The following GALNT11 variants were observed in gnomAD, a reference collection of about 807,000 sequenced individuals.
The protein encoded by GALNT11 is UDP-GalNAc:polypeptide N-acetylgalactosaminyltransferase 11.
A neutral mutation model predicts 72.7 loss-of-function variants in GALNT11; 47 were observed. The ratio of observed to expected loss-of-function variants is 0.65; its 90% CI spans 0.51 to 0.82. The LOEUF (loss-of-function observed/expected upper bound fraction) is 0.82, where lower values mean the gene tolerates loss of function less well. GALNT11 is among the 40% of genes least tolerant of loss of function. GALNT11 has a pLI of 0.00. For synonymous variants in GALNT11, 270 were observed against 286.6 expected, an observed-to-expected ratio of 0.94 and a Z score of 0.58; for missense variants, 677 against 778.4, an observed-to-expected ratio of 0.87 and a Z score of 1.55.
At chr7:152,039,989 C>G (rs950170407) in intron 1 of GALNT11, among the ~76,000 whole-genome samples, 3 of 151,950 alleles carry the variant, frequency 2.0e-5, no homozygotes, top group Non-Finnish European at 4.4e-5. Flanking sequence ...ATCCATTTCC[C>G]CCTTTCTGTT....
intron 1 of GALNT11, among the ~76,000 whole-genome samples, chr7:152,031,313 A>G (rs944449926): frequency 9.2e-5 from 14 of 152,248 alleles, no homozygotes; most frequent in Admixed American, 2.0e-4. Flanking sequence ...CTCAGGCAGC[A>G]TAAGTCTGGA....
chr7:152,099,553 TTTTTTTG>T (rs2086658595), intron 2 of GALNT11, among the ~76,000 whole-genome samples: 1 of 131,616 alleles, frequency 7.6e-6, no homozygotes, highest in African/African-American at 2.9e-5. Context: ...TTTTTTTTTT[TTTTTTTG>T]TATTTTTAGT....
intron 5 of GALNT11, 80 bp from the exon 6 acceptor site, chr7:152,107,958 G>A (rs112966025): frequency 1.3e-5 from 20 of 1,500,630 alleles, no homozygotes; most frequent in South Asian, 1.1e-4. Flanking sequence ...CTGTGTCAGC[G>A]CGTCATCCCA....
chr7:152,070,585 T>C (rs1409085695), intron 1 of GALNT11, among the ~76,000 whole-genome samples: 1 of 152,190 alleles, frequency 6.6e-6, no homozygotes, highest in Non-Finnish European at 1.5e-5. Context: ...TCTTCTCACA[T>C]TGTATCAACT....
At chr7:152,034,416 G>A (rs1043324963) in intron 1 of GALNT11, among the ~76,000 whole-genome samples, 2 of 152,098 alleles carry the variant, frequency 1.3e-5, no homozygotes, top group East Asian at 3.9e-4. Flanking sequence ...TCCCTCAGGT[G>A]GCCATTTTTC....
chr7:152,082,091 G>C (rs2129021591), intron 1 of GALNT11, among the ~76,000 whole-genome samples: 1 of 152,214 alleles, frequency 6.6e-6, no homozygotes, highest in Non-Finnish European at 1.5e-5. Context: ...ACCATCTGTG[G>C]TTTAGATTAC....
intron 1 of GALNT11, among the ~76,000 whole-genome samples, chr7:152,050,675 C>T (rs1243545448): frequency 6.6e-6 from 1 of 152,080 alleles, no homozygotes; most frequent in East Asian, 1.9e-4. Flanking sequence ...GGCTCCAAGC[C>T]CAGCCCAGCA....
At chr7:152,115,661 C>T (rs1373655976) in intron 8 of GALNT11, among the ~76,000 whole-genome samples, 1 of 152,210 alleles carries the variant, frequency 6.6e-6, no homozygotes, top group Admixed American at 6.5e-5. Context: ...AAACAACTGA[C>T]AGTATTTGTT....
In GALNT11 at chr7:152,108,249, T is replaced by C. The variant is rs1192040995; in HGVS notation, c.924T>C (p.Ser308=). Reference sequence around the variant, plus strand: ...TCAAATGGGATCTTGTCCCCCTTTCTGAGCTAGGACGAGCGGAGGGAGCCA... The same window carrying C: ...TCAAATGGGATCTTGTCCCCCTTTCCGAGCTAGGACGAGCGGAGGGAGCCA... ...LHFKWDLVPL[S]ELGRAEGATA... Residue 308 remains serine (S), a synonymous_variant, in exon 6 of 12, where the codon TCT becomes TCC. Coordinates refer to ENST00000430044, the MANE Select transcript of GALNT11 (RefSeq NM_022087.4). 8 of 1,613,682 alleles carry C rather than the reference T, an allele frequency of 5.0e-6. No homozygotes were observed. The highest frequency in any genetic ancestry group is 1.7e-5 in the Admixed American group (1 of 60,002).
intron 10 of GALNT11, chr7:152,119,389 CAT>C (rs902722312): frequency 6.6e-6 from 1 of 151,710 alleles, no homozygotes; most frequent in African/African-American, 2.4e-5. Context: ...AGTCTAATCT[CAT>C]AAATTGTAGT....
chr7:152,117,414 G>T, intron 9 of GALNT11, 39 bp downstream of exon 9: 1 of 1,601,092 alleles, frequency 6.2e-7, no homozygotes, highest in Non-Finnish European at 8.6e-7. Context: ...TATGAAAAGC[G>T]TTTGATATGA....
intron 1 of GALNT11, among the ~76,000 whole-genome samples, chr7:152,069,997 C>CTTTTTTTTTT (rs879494057): frequency 7.0e-6 from 1 of 143,482 alleles, no homozygotes; most frequent in African/African-American, 2.8e-5. Context: ...TTTTCTTTTT[C>CTTTTTTTTTT]TTTTTCTTTT....
rs1346889049 is a variant in GALNT11, at chr7:152,094,500, C to G, written c.273C>G (p.His91Gln). The change falls in exon 2 of 12, where the codon CAC becomes CAG. Residue 91 changes from histidine to glutamine, a missense_variant. Transcript: ENST00000430044. The surrounding 1 kb of genome is among the most constrained non-coding windows in gnomAD (Gnocchi z 4.3). The stretch of plus-strand genomic sequence containing the variant: ...GTGTTGAAGATCCAGAAGAAGGCCA[C>G]TTGAAATTCTCTTCTGAATTAGGTA... ...DSRVEDPEEG[H>Q]LKFSSELGMI... 4 of 1,610,696 alleles carry G rather than the reference C, an allele frequency of 2.5e-6. No homozygotes were observed. In the African/African-American group the frequency reaches 5.3e-5, roughly 22 times the overall value.
intron 7 of GALNT11, among the ~76,000 whole-genome samples, chr7:152,111,191 C>T (rs986593371): frequency 2.4e-4 from 36 of 151,938 alleles, no homozygotes; most frequent in African/African-American, 8.2e-4. Flanking sequence ...GCTCCGCTGC[C>T]CAGGTTGGAG....
chr7:152,114,129 C>T (rs1034654891), intron 8 of GALNT11, among the ~76,000 whole-genome samples: 1 of 152,068 alleles, frequency 6.6e-6, no homozygotes, highest in African/African-American at 2.4e-5. Context: ...TGTTAGAGGG[C>T]ACATTTAGAA....
rs1018091773 is a variant in GALNT11, at chr7:152,090,849, T to G, written c.-38-3341T>G. On this transcript the variant is annotated intron_variant, in intron 1 of 11. Transcript: ENST00000430044. ...GCACTTATCACTTTCTAATGTATTA[T>G]TTAACACAGTGTTCCCAGCTGGATA... 2.0e-5 allele frequency among the ~76,000 whole-genome samples: 3 copies of G among 152,172 alleles called. No individual in the cohort carries two copies. In the East Asian group the frequency reaches 5.8e-4, roughly 29 times the overall value.
chr7:152,100,943 CA>C, intron 3 of GALNT11, 22 bp downstream of exon 3: 1 of 1,611,214 alleles, frequency 6.2e-7, no homozygotes, highest in South Asian at 1.1e-5. Flanking sequence ...ATCGGATTTG[CA>C]AATACATTTT....
intron 9 of GALNT11, 169 bp from the exon 10 acceptor site, chr7:152,118,509 T>G: frequency 1.8e-6 from 1 of 570,674 alleles, no homozygotes; most frequent in Non-Finnish European, 3.0e-6. Flanking sequence ...ATCTTGATGC[T>G]CCTGTGTTCT....
chr7:152,057,228 T>G lies in GALNT11; in HGVS notation c.-39+31344T>G, dbSNP rs539283689. Among the ~76,000 whole-genome samples the G allele has an allele frequency of 4.3e-4, 64 of 148,868 alleles. 1 individual carries two copies. Among genetic ancestry groups the G allele is most frequent in the African/African-American group, 1.6e-3 (63 of 38,496 alleles). Reference sequence around the variant, plus strand: ...GAAGAAAGTAATAGATTTTAAAAAATCTATTAGTAATTTTTTTTTTAACCT... The same window carrying G: ...GAAGAAAGTAATAGATTTTAAAAAAGCTATTAGTAATTTTTTTTTTAACCT... On this transcript the variant is annotated intron_variant, in intron 1 of 11. Coordinates refer to ENST00000430044, the MANE Select transcript of GALNT11 (RefSeq NM_022087.4).
Sources: gnomAD v4.1 joint callset for allele counts (sites outside exome capture counted in the v4.1 genomes callset) on GRCh38, gnomAD v4.1.1 for gene constraint, Gnocchi (gnomAD v3.1) non-coding constraint, MANE v1.5 for transcripts, NCBI Gene and HGNC (gene_info 2026-07-23, HGNC 2026-07-21) for gene names.